CCDC171: variants seen among roughly 807,000 people sequenced by gnomAD.
The protein encoded by CCDC171 is coiled-coil domain-containing protein 171.
A neutral mutation model predicts 168.2 loss-of-function variants in CCDC171; 177 were observed. The ratio of observed to expected loss-of-function variants is 1.05; its 90% confidence interval spans 0.93 to 1.19. The LOEUF is 1.19. Among genes scored for constraint, CCDC171 ranks in the 50% most tolerant of loss-of-function variants. The pLI, the probability that CCDC171 is intolerant of heterozygous loss-of-function variation, is 0.00. For missense variants in CCDC171, 1,991 were observed against 1,539.0 expected, an observed-to-expected ratio of 1.29 and a Z score of -4.91; for synonymous variants, 687 against 540.8, an observed-to-expected ratio of 1.27 and a Z score of -3.75.
At chr9:16,086,539 C>T in the CCDC171 span, among the ~76,000 whole-genome samples, 1 of 151,992 alleles carries the variant, frequency 6.6e-6, no homozygotes, top group African/African-American at 2.4e-5. Flanking sequence ...AACTCCTGAC[C>T]TTGTGATCTG....
intron 21 of CCDC171, among the ~76,000 whole-genome samples, chr9:15,832,096 T>TC (rs1056995712): frequency 2.6e-5 from 4 of 152,188 alleles, no homozygotes; most frequent in Admixed American, 2.0e-4. Context: ...AATCAACTTT[T>TC]CCCATGATCT....
In CCDC171 at chr9:15,962,818, A is replaced by T. The variant is rs558054232; in HGVS notation, c.3754-8791A>T. On this transcript the variant is annotated intron_variant, in intron 25 of 25. Coordinates refer to ENST00000380701, the MANE Select transcript of CCDC171 (RefSeq NM_173550.4). Reference sequence around the variant, plus strand: ...ATTAAGTTTCTTTTGATTTCTTGTGATTCTTTTTTCCAGAAAAAATAGGGA... The same window carrying T: ...ATTAAGTTTCTTTTGATTTCTTGTGTTTCTTTTTTCCAGAAAAAATAGGGA... Among the ~76,000 whole-genome samples, 6 of 151,620 alleles carry T rather than the reference A, an allele frequency of 4.0e-5. No homozygotes were observed. In the East Asian group the frequency reaches 1.2e-3, roughly 29 times the overall value.
chr9:16,025,933 G>C (rs1017059864), intron 6 of CCDC171, among the ~76,000 whole-genome samples: 1 of 152,174 alleles, frequency 6.6e-6, no homozygotes, highest in African/African-American at 2.4e-5. Context: ...AGTGAATTTT[G>C]TGTTATGTGA....
chr9:15,893,538 A>G (rs952834431), intron 24 of CCDC171, among the ~76,000 whole-genome samples: 1 of 152,170 alleles, frequency 6.6e-6, no homozygotes, highest in South Asian at 2.1e-4. Flanking sequence ...TCATCTGACA[A>G]AGGTCTAATA....
At chr9:15,890,710 T>G (rs948159905) in intron 24 of CCDC171, among the ~76,000 whole-genome samples, 2 of 152,156 alleles carry the variant, frequency 1.3e-5, no homozygotes, top group African/African-American at 4.8e-5. Flanking sequence ...AATGGCTATT[T>G]ATTAAATATG....
chr9:15,595,936 G>T (rs371733747), intron 6 of CCDC171, among the ~76,000 whole-genome samples: 23 of 151,742 alleles, frequency 1.5e-4, no homozygotes, highest in Admixed American at 7.9e-4. Flanking sequence ...TTTGGCTGCA[G>T]AAATGTCTTC....
At chr9:15,680,755 T>A (rs2049984811) in intron 10 of CCDC171, among the ~76,000 whole-genome samples, 1 of 152,200 alleles carries the variant, frequency 6.6e-6, no homozygotes, top group Non-Finnish European at 1.5e-5. Context: ...TCTTACCTCC[T>A]AGTTCAGGAG....
At chr9:15,636,443 A>G (rs538807584) in intron 7 of CCDC171, among the ~76,000 whole-genome samples, 2 of 152,204 alleles carry the variant, frequency 1.3e-5, no homozygotes, top group South Asian at 2.1e-4. Flanking sequence ...TGGTTTGTAG[A>G]TGGCTTACTA....
chr9:15,594,909 A>G (rs2042233067), intron 6 of CCDC171, among the ~76,000 whole-genome samples: 1 of 152,216 alleles, frequency 6.6e-6, no homozygotes, highest in Non-Finnish European at 1.5e-5. Flanking sequence ...ACTAACTTAA[A>G]ACTTCAAATA....
At position 15,623,506 on chromosome 9, in the gene CCDC171, C is replaced by CACACACACAT. The variant is rs768133705; in HGVS notation, c.822+94_822+95insCACACACATA. 131 of 656,102 alleles carry CACACACACAT rather than the reference C, an allele frequency of 2.0e-4. 1 individual carries two copies. Among genetic ancestry groups the CACACACACAT allele is most frequent in the Admixed American group, 4.2e-4 (13 of 31,002 alleles). 40.6% of individuals were successfully genotyped at this position (656,102 alleles called of 1,614,324 possible). On this transcript the variant is annotated intron_variant, in intron 7 of 25. Transcript: ENST00000380701. ...ACACACACACACACACACACACACA[C>CACACACACAT]ATAAAACCCATTCCGTGATTTAAGA...
chr9:15,907,712 T>C (rs1307196052), intron 24 of CCDC171, among the ~76,000 whole-genome samples: 1 of 151,982 alleles, frequency 6.6e-6, no homozygotes, highest in Non-Finnish European at 1.5e-5. Context: ...ACCATCAGAG[T>C]GAACAGGCAA....
At chr9:15,555,832 C>G (rs2038746087) in intron 1 of CCDC171, among the ~76,000 whole-genome samples, 1 of 152,132 alleles carries the variant, frequency 6.6e-6, no homozygotes, top group Non-Finnish European at 1.5e-5. Flanking sequence ...ATACCTCCCA[C>G]CTTCCCCCAC....
At chr9:15,830,989 A>C (rs1588730103) in intron 21 of CCDC171, among the ~76,000 whole-genome samples, 1 of 31,168 alleles carries the variant, frequency 3.2e-5, no homozygotes, top group Non-Finnish European at 8.2e-5. Flanking sequence ...TTTTTTTTTG[A>C]GATGGATTCT....
At chr9:15,769,510 G>A (rs898466245) in intron 18 of CCDC171, among the ~76,000 whole-genome samples, 5 of 152,178 alleles carry the variant, frequency 3.3e-5, no homozygotes, top group African/African-American at 9.7e-5. Context: ...ATTATGAATG[G>A]TAACGATAGA....
chr9:15,962,963 A>C (rs1386188914), intron 25 of CCDC171, among the ~76,000 whole-genome samples: 7 of 151,900 alleles, frequency 4.6e-5, no homozygotes, highest in Non-Finnish European at 1.5e-5. Context: ...TTTCACTTGG[A>C]TATATTTCTC....
chr9:15,605,496 T>C (rs1017466666), intron 6 of CCDC171, among the ~76,000 whole-genome samples: 7 of 137,696 alleles, frequency 5.1e-5, no homozygotes, highest in Admixed American at 2.3e-4. Flanking sequence ...TGGCCAACAC[T>C]GTGAAACCCT....
intron 11 of CCDC171, among the ~76,000 whole-genome samples, chr9:15,713,681 A>T (rs888066753): frequency 3.3e-5 from 5 of 151,950 alleles, no homozygotes; most frequent in African/African-American, 1.2e-4. Flanking sequence ...TTTGCTTCTA[A>T]CTCCTAAAAG....
rs2134292546 is a variant in CCDC171, at chr9:15,727,883, C to T, written c.1707C>T (p.Phe569=). 1 of 1,607,062 alleles carries T rather than the reference C, an allele frequency of 6.2e-7. No individual in the cohort carries two copies. Among genetic ancestry groups the T allele is most frequent in the Non-Finnish European group, 8.5e-7 (1 of 1,177,420 alleles). The change falls in exon 15 of 26, where the codon TTC becomes TTT. Residue 569 remains phenylalanine, a synonymous_variant. Transcript: ENST00000380701. ...TTTTCCTGCAGGAGAAGCTAACCTT[C>T]CTTCACACCTTATATCAGCACTTGG... ...FHKDAEEKLT[F]LHTLYQHLVA...
chr9:15,999,575 A>G lies in CCDC171; in HGVS notation n.369-21014A>G, dbSNP rs1042516129. On this transcript the variant is annotated intron_variant and non_coding_transcript_variant, in intron 3 of 9. Transcript: ENST00000486641. Reference sequence around the variant, plus strand: ...ATCCAAGCCATCCCTAGGTCTTCCAATAGTGGTGCAGCATCTGCACTATTG... The same window carrying G: ...ATCCAAGCCATCCCTAGGTCTTCCAGTAGTGGTGCAGCATCTGCACTATTG... Among the ~76,000 whole-genome samples the G allele has an allele frequency of 2.0e-5, 3 of 152,284 alleles. No individual in the cohort carries two copies. In the South Asian group the frequency reaches 6.2e-4, roughly 32 times the overall value.
Sources: gnomAD v4.1 joint callset for allele counts (sites outside exome capture counted in the v4.1 genomes callset) on GRCh38, gnomAD v4.1.1 for gene constraint, MANE v1.5 for transcripts, NCBI Gene and HGNC (gene_info 2026-07-23, HGNC 2026-07-21) for gene names.